Variants in CAV1 observed in about 807,000 individuals in gnomAD.
CAV1 encodes caveolin-1.
A neutral mutation model predicts 16.5 loss-of-function variants in CAV1; 10 were observed. The observed-to-expected ratio is 0.61, with a 90% CI of 0.37 to 1.03. CAV1 has a LOEUF of 1.03. Among genes scored for constraint, CAV1 ranks in the 50% least tolerant of loss-of-function variants. The pLI is 0.01. For missense variants in CAV1, 212 were observed against 232.8 expected, an observed-to-expected ratio of 0.91 and a Z score of 0.58; for synonymous variants, 76 against 85.1, an observed-to-expected ratio of 0.89 and a Z score of 0.59.
At chr7:116,554,827 C>T (rs1051767343) in intron 2 of CAV1, among the ~76,000 whole-genome samples, 2 of 152,046 alleles carry the variant, frequency 1.3e-5, no homozygotes, top group African/African-American at 2.4e-5. Flanking sequence ...TTTTAGGAAG[C>T]ATATCTATCT....
chr7:116,545,117 T>C (rs759820863), intron 2 of CAV1, among the ~76,000 whole-genome samples: 3 of 152,246 alleles, frequency 2.0e-5, no homozygotes, highest in African/African-American at 4.8e-5. Flanking sequence ...TCCGATTTTC[T>C]AGAGTGGTAG....
rs2116117752 is a variant in CAV1 at position 116,559,272 on chromosome 7, G to T, written c.522G>T (p.Leu174Phe). The T allele has an allele frequency of 1.2e-6, 2 of 1,612,392 alleles. No individual in the cohort carries two copies. Among genetic ancestry groups the T allele is most frequent in the East Asian group, 4.5e-5 (2 of 44,870 alleles). The part of the protein sequence containing the change: ...GKIFSNVRIN[L>F]QKEI Reference sequence around the variant, plus strand: ...TATTCAGCAATGTCCGCATCAACTTGCAGAAAGAAATATAAATGACATTTC... The same window carrying T: ...TATTCAGCAATGTCCGCATCAACTTTCAGAAAGAAATATAAATGACATTTC... The change falls in exon 3 of 3, where the codon TTG (leucine) becomes TTT (phenylalanine). Residue 174 changes from leucine to phenylalanine, a missense_variant. Physicochemically the swap from Leu to Phe is conservative, Grantham distance 22. Transcript: ENST00000341049.
rs1349641582 is a variant in CAV1, at chr7:116,561,067, G to A, written c.*1780G>A. On this transcript the variant is annotated 3_prime_UTR_variant, in exon 3 of 3. Transcript: ENST00000341049. ...TAGTCCCTCATGCAAATCAATTACT[G>A]GTCCAAAAGATTGCTGAAATTTTAT... The A allele has an allele frequency of 1.3e-5, 2 of 152,430 alleles. No homozygotes were observed. 9.4% of individuals were successfully genotyped at this position (152,430 alleles called of 1,614,324 possible). A position where few individuals can be genotyped will look rare whatever the true frequency, so the allele number is the denominator to read the frequency against.
At chr7:116,526,256 C>T in intron 1 of CAV1, 1 of 1,235,930 alleles carries the variant, frequency 8.1e-7, no homozygotes, top group Non-Finnish European at 1.0e-6. Flanking sequence ...CCTGCCCTGA[C>T]CCCTGGCGGC....
At chr7:116,535,102 G>A (rs764649656) in intron 2 of CAV1, among the ~76,000 whole-genome samples, 18 of 152,242 alleles carry the variant, frequency 1.2e-4, no homozygotes, top group Middle Eastern at 3.4e-3. Flanking sequence ...GTCTCATACA[G>A]ACTAGCCAGC....
chr7:116,526,230 G>A (rs913921938), intron 1 of CAV1: 1 of 1,071,410 alleles, frequency 9.3e-7, no homozygotes, highest in Non-Finnish European at 1.1e-6. Flanking sequence ...GGGGGCCTTC[G>A]GACCGCGCGG....
rs3030806 is a variant in CAV1 at position 116,530,208 on chromosome 7, C to CTTTTTTTTTTTTTTTTTTTTTT, written c.195+3532_195+3533insTTTTTTTTTTTTTTTTTTTTTT. On this transcript the variant is annotated intron_variant, in intron 2 of 2. Transcript: ENST00000341049. The stretch of plus-strand genomic sequence containing the variant: ...CATGGAAACTGATTGGTCCTTTTTC[C>CTTTTTTTTTTTTTTTTTTTTTT]TTTTTTTTTTTTTGCCTTGACTGCC... Among the ~76,000 whole-genome samples, 36 of 125,362 alleles carry CTTTTTTTTTTTTTTTTTTTTTT rather than the reference C, an allele frequency of 2.9e-4. 1 individual carries two copies. Among genetic ancestry groups the CTTTTTTTTTTTTTTTTTTTTTT allele is most frequent in the Non-Finnish European group, 4.7e-4 (29 of 61,746 alleles). The allele number at this position is 125,362 out of a possible 152,430, so 82.2% of individuals were successfully genotyped here.
At chr7:116,557,898 C>A (rs1794324089) in intron 2 of CAV1, among the ~76,000 whole-genome samples, 1 of 152,168 alleles carries the variant, frequency 6.6e-6, no homozygotes, top group Non-Finnish European at 1.5e-5. Flanking sequence ...CTTCCATAGA[C>A]CCCACTGTCT....
At chr7:116,558,102 T>C (rs1270273410) in intron 2 of CAV1, among the ~76,000 whole-genome samples, 6 of 152,284 alleles carry the variant, frequency 3.9e-5, no homozygotes, top group African/African-American at 1.4e-4. Flanking sequence ...TCATGAAGCC[T>C]TCTTGATGCC....
At position 116,561,100 on chromosome 7, in the gene CAV1, C is replaced by G. The variant is rs1024973120; in HGVS notation, c.*1813C>G. 6.6e-6 allele frequency: 1 copy of G among 152,560 alleles called. No individual in the cohort carries two copies. The highest frequency in any genetic ancestry group is 2.1e-4 in the South Asian group (1 of 4,828). The allele number at this position is 152,560 out of a possible 1,614,324, so 9.5% of individuals were successfully genotyped here. ...AGATTGCTGAAATTTTATATGCTTA[C>G]TGATATATTTTACAATTTTTTATCA... On this transcript the variant is annotated 3_prime_UTR_variant, in exon 3 of 3. Transcript: ENST00000341049.
intron 2 of CAV1, among the ~76,000 whole-genome samples, chr7:116,530,903 G>A (rs1793675616): frequency 1.3e-5 from 2 of 152,288 alleles, no homozygotes; most frequent in South Asian, 2.1e-4. Context: ...TCTGGTGAAG[G>A]TACAGAAGGT....
intron 2 of CAV1, among the ~76,000 whole-genome samples, chr7:116,555,519 AGAGAGAGAGAGAGAGAGAGAGAG>A (rs1562838201): frequency 0.046 from 300 of 6,508 alleles, 52 homozygotes; most frequent in South Asian, 0.085. Context: ...AAAGAAAGAA[AGAGAGAGAGAGAGAGAGAGAGAG>A]AGAAAGAAAG....
intron 2 of CAV1, among the ~76,000 whole-genome samples, chr7:116,554,905 C>T (rs975862785): frequency 2.0e-4 from 31 of 152,084 alleles, no homozygotes; most frequent in African/African-American, 6.8e-4. Context: ...GGCAAAAATG[C>T]GCAGACTTGA....
At chr7:116,536,774 C>T (rs1464486995) in intron 2 of CAV1, among the ~76,000 whole-genome samples, 1 of 151,930 alleles carries the variant, frequency 6.6e-6, no homozygotes. Flanking sequence ...GAGGCCGAGG[C>T]GGGTGGATCA....
At position 116,532,267 on chromosome 7, in the gene CAV1, C is replaced by T. The variant is rs6961021; in HGVS notation, c.195+5578C>T. Among the ~76,000 whole-genome samples, 587 of 152,242 alleles carry T rather than the reference C, an allele frequency of 3.9e-3. 2 individuals are homozygous for T. Among genetic ancestry groups the T allele is most frequent in the African/African-American group, 0.013 (560 of 41,530 alleles). On this transcript the variant is annotated intron_variant, in intron 2 of 2. Transcript: ENST00000341049. ...TGGAAAGTCCAGTAATTTGAAAAAC[C>T]ACCTGTTTATGTATCCTGCCCACTC...
chr7:116,537,028 A>AG (rs1793832745), intron 2 of CAV1, among the ~76,000 whole-genome samples: 3 of 151,508 alleles, frequency 2.0e-5, no homozygotes, highest in Admixed American at 6.6e-5. Flanking sequence ...AAAAAAAAAA[A>AG]AAAAGCCATT....
chr7:116,535,833 C>T (rs991991426), intron 2 of CAV1, among the ~76,000 whole-genome samples: 1 of 152,118 alleles, frequency 6.6e-6, no homozygotes, highest in East Asian at 1.9e-4. Context: ...AAGACACAAC[C>T]GAGTTTCCCT....
intron 2 of CAV1, among the ~76,000 whole-genome samples, chr7:116,543,175 A>G (rs1321606317): frequency 2.0e-5 from 3 of 152,202 alleles, no homozygotes; most frequent in Non-Finnish European, 2.9e-5. Flanking sequence ...GAAACAGACA[A>G]TCTCTAAGTT....
intron 1 of CAV1, chr7:116,525,964 G>C (rs889176542): frequency 1.3e-5 from 5 of 392,218 alleles, no homozygotes; most frequent in Non-Finnish European, 1.7e-5. Context: ...AGGTGCGAGG[G>C]GGATGCGGCC....
Sources: allele counts gnomAD v4.1 joint callset (sites outside exome capture counted in the v4.1 genomes callset), GRCh38; gene constraint gnomAD v4.1.1; transcripts MANE v1.5; gene names NCBI Gene and HGNC (gene_info 2026-07-23, HGNC 2026-07-21).